Variants in DNAJC24 observed in about 807,000 individuals in gnomAD.
DNAJC24 encodes the protein dnaJ homolog subfamily C member 24.
In DNAJC24, 17 loss-of-function variants were observed where a neutral mutation model predicts 18.0. The observed-to-expected ratio is 0.94, with a 90% CI of 0.65 to 1.42. The LOEUF (loss-of-function observed/expected upper bound fraction) is 1.42. Ranked by LOEUF, DNAJC24 falls within the 40% of genes most tolerant of loss-of-function variation. DNAJC24 has a pLI of 0.00. For missense variants in DNAJC24, 158 were observed against 175.6 expected (o/e 0.90, Z 0.57); for synonymous variants, 55 against 57.7 (o/e 0.95, Z 0.21).
intron 2 of DNAJC24, among the ~76,000 whole-genome samples, chr11:31,394,241 A>G (rs1323030385): frequency 6.6e-6 from 1 of 152,210 alleles, no homozygotes; most frequent in Non-Finnish European, 1.5e-5. Flanking sequence ...ATGGCACTAA[A>G]TAGACTGTGA....
intron 2 of DNAJC24, among the ~76,000 whole-genome samples, chr11:31,378,572 A>G (rs1952342665): frequency 6.6e-6 from 1 of 152,190 alleles, no homozygotes; most frequent in Non-Finnish European, 1.5e-5. Flanking sequence ...CATACTGACT[A>G]GCAGCAAGAA....
intron 2 of DNAJC24, chr11:31,408,225 A>G (rs1421322814): frequency 2.2e-6 from 1 of 456,000 alleles, no homozygotes; most frequent in Non-Finnish European, 4.4e-6. Context: ...CCTTGTTTTA[A>G]GCAGTCAAGG....
chr11:31,376,326 C>T (rs922580086), intron 2 of DNAJC24, among the ~76,000 whole-genome samples: 2 of 152,210 alleles, frequency 1.3e-5, no homozygotes, highest in Non-Finnish European at 2.9e-5. Context: ...TACACCATCT[C>T]ATAGCATTTT....
At chr11:31,386,912 G>A (rs1018382253) in intron 2 of DNAJC24, among the ~76,000 whole-genome samples, 1 of 151,890 alleles carries the variant, frequency 6.6e-6, no homozygotes, top group Admixed American at 6.6e-5. Context: ...ACCCCAAGCT[G>A]ACTGAAGAGT....
chr11:31,382,592 G>C (rs1321213974), intron 2 of DNAJC24, among the ~76,000 whole-genome samples: 1 of 152,160 alleles, frequency 6.6e-6, no homozygotes, highest in African/African-American at 2.4e-5. Flanking sequence ...TATTGTATAT[G>C]TAATGCAATT....
At chr11:31,413,956 C>CA in intron 2 of DNAJC24, among the ~76,000 whole-genome samples, 1 of 152,104 alleles carries the variant, frequency 6.6e-6, no homozygotes, top group East Asian at 1.9e-4. Flanking sequence ...GGGAGAATCA[C>CA]AGAGAACATA....
At chr11:31,404,636 AGTTTTTATT>A (rs1158868940) in intron 2 of DNAJC24, among the ~76,000 whole-genome samples, 9 of 152,202 alleles carry the variant, frequency 5.9e-5, no homozygotes, top group African/African-American at 2.2e-4. Flanking sequence ...TGAAGAAATG[AGTTTTTATT>A]ATCTTTAGAG....
At chr11:31,424,721 T>A (rs141109550) in intron 3 of DNAJC24, among the ~76,000 whole-genome samples, 130 of 152,318 alleles carry the variant, frequency 8.5e-4, no homozygotes, top group Non-Finnish European at 1.6e-3. Context: ...TATGAAGTGG[T>A]ATAATATCTG....
rs1005701678 is a variant in DNAJC24, at chr11:31,371,997, A to T, written c.111+1138A>T. On this transcript the variant is annotated intron_variant, in intron 2 of 4. Coordinates refer to ENST00000465995, the MANE Select transcript of DNAJC24 (RefSeq NM_181706.5). ...GCCACCACGCCTGGCTAATTTTTAT[A>T]TTTTTAGTAGAGACAGGGTTTCATC... Among the ~76,000 whole-genome samples, 5 of 151,174 alleles carry T rather than the reference A, an allele frequency of 3.3e-5. No homozygotes were observed. The East Asian group carries it at 9.8e-4, about 30-fold the overall frequency.
chr11:31,404,567 T>C (rs1952636075), intron 2 of DNAJC24, among the ~76,000 whole-genome samples: 1 of 152,204 alleles, frequency 6.6e-6, no homozygotes, highest in South Asian at 2.1e-4. Context: ...TATTAATGCC[T>C]TATTATTTAT....
chr11:31,389,649 C>A (rs1003606283), intron 2 of DNAJC24, among the ~76,000 whole-genome samples: 1 of 152,144 alleles, frequency 6.6e-6, no homozygotes, highest in Non-Finnish European at 1.5e-5. Context: ...CACCTATAGA[C>A]CAAATGGACC....
At chr11:31,400,601 A>G (rs550043449) in intron 2 of DNAJC24, among the ~76,000 whole-genome samples, 66 of 152,348 alleles carry the variant, frequency 4.3e-4, no homozygotes, top group Non-Finnish European at 4.0e-4. Context: ...GATCTTTGAC[A>G]AACCTGACAG....
intron 2 of DNAJC24, among the ~76,000 whole-genome samples, chr11:31,388,947 A>G (rs1952459253): frequency 6.6e-6 from 1 of 152,212 alleles, no homozygotes; most frequent in African/African-American, 2.4e-5. Context: ...TCAGTTTAAA[A>G]TAATAGGTTG....
intron 3 of DNAJC24, among the ~76,000 whole-genome samples, chr11:31,425,680 A>G (rs2133506134): frequency 6.6e-6 from 1 of 152,238 alleles, no homozygotes; most frequent in Middle Eastern, 3.4e-3. Context: ...GACTCCATTT[A>G]ACGTTAATTA....
intron 2 of DNAJC24, among the ~76,000 whole-genome samples, chr11:31,390,722 A>G (rs1050950208): frequency 1.3e-4 from 19 of 151,716 alleles, no homozygotes; most frequent in Non-Finnish European, 2.5e-4. Context: ...AAAAAAAAAA[A>G]AAAAGTAATC....
chr11:31,393,916 A>T (rs931742765), intron 2 of DNAJC24, among the ~76,000 whole-genome samples: 17 of 151,882 alleles, frequency 1.1e-4, no homozygotes, highest in Non-Finnish European at 2.4e-4. Flanking sequence ...TCCTAGGGGA[A>T]ATGTAGGGTT....
At chr11:31,400,450 A>G (rs1952589810) in intron 2 of DNAJC24, among the ~76,000 whole-genome samples, 1 of 152,220 alleles carries the variant, frequency 6.6e-6, no homozygotes, top group African/African-American at 2.4e-5. Flanking sequence ...ACAAAGCTGG[A>G]GGTATCACGC....
At position 31,423,600 on chromosome 11, in the gene DNAJC24, C is replaced by T. The variant is rs1277900138; in HGVS notation, c.251-2687C>T. Among the ~76,000 whole-genome samples, 10 of 152,146 alleles carry T rather than the reference C, an allele frequency of 6.6e-5. No homozygotes were observed. The East Asian group carries it at 1.9e-3, about 29-fold the overall frequency. On this transcript the variant is annotated intron_variant, in intron 3 of 4. Coordinates refer to ENST00000465995, the MANE Select transcript of DNAJC24 (RefSeq NM_181706.5). ...TGACTTCTTCCAGTTACCACTAACT[C>T]CTCATTTCCCCCACCATCATAGGGT...
intron 2 of DNAJC24, among the ~76,000 whole-genome samples, chr11:31,379,555 G>T (rs1952354846): frequency 6.6e-6 from 1 of 152,136 alleles, no homozygotes; most frequent in African/African-American, 2.4e-5. Context: ...AGATTGGTTT[G>T]TTGACTCATA....
Sources: gnomAD v4.1 joint callset for allele counts (sites outside exome capture counted in the v4.1 genomes callset) on GRCh38, gnomAD v4.1.1 for gene constraint, MANE v1.5 for transcripts, NCBI Gene and HGNC (gene_info 2026-07-23, HGNC 2026-07-21) for gene names.